The following NCOA2 variants were observed in gnomAD, a reference collection of about 807,000 sequenced individuals.
NCOA2 encodes the protein nuclear receptor coactivator 2.
NCOA2 carries 21 observed loss-of-function variants against 145.1 expected under a neutral mutation model. That is an observed-to-expected ratio of 0.14 (90% CI 0.10 to 0.21). The LOEUF (loss-of-function observed/expected upper bound fraction) is 0.21. NCOA2 is among the 10% of genes least tolerant of loss of function. The pLI is 1.00. For missense variants in NCOA2, 1,472 were observed against 1,837.6 expected, an observed-to-expected ratio of 0.80 and a Z score of 3.64; for synonymous variants, 619 against 637.5, an observed-to-expected ratio of 0.97 and a Z score of 0.44.
At chr8:70,437,837 A>G in the NCOA2 span, among the ~76,000 whole-genome samples, 2 of 152,156 alleles carry the variant, frequency 1.3e-5, no homozygotes, top group Non-Finnish European at 2.9e-5. Context: ...TTGCTCATGG[A>G]TATTGTATTA....
At chr8:70,159,260 C>A (rs1300301436) in intron 10 of NCOA2, among the ~76,000 whole-genome samples, 1 of 18,610 alleles carries the variant, frequency 5.4e-5, no homozygotes. Flanking sequence ...TTTTTTCCCC[C>A]AAATATTTTC....
chr8:70,325,189 T>C (rs2136216808), intron 1 of NCOA2, among the ~76,000 whole-genome samples: 1 of 152,316 alleles, frequency 6.6e-6, no homozygotes, highest in East Asian at 1.9e-4. Context: ...ATGACAGAAA[T>C]CTTTGAACAC....
chr8:70,392,191 C>T lies in NCOA2; in HGVS notation c.-77+11509G>A, dbSNP rs191224454. On this transcript the variant is annotated intron_variant, in intron 1 of 22. Transcript: ENST00000452400. ...TTCTAGCAGGTTTTTTTGTCAGGAA[C>T]TGAAAACAAGAACACACTGAAATAA... Among the ~76,000 whole-genome samples, 11 of 152,298 alleles carry T rather than the reference C, an allele frequency of 7.2e-5. No homozygotes were observed. The East Asian group carries it at 1.9e-3, about 27-fold the overall frequency.
chr8:70,408,597 T>C (rs1343153284), upstream of NCOA2, among the ~76,000 whole-genome samples: 3 of 152,082 alleles, frequency 2.0e-5, no homozygotes, highest in South Asian at 2.1e-4. Context: ...CTAGGAGTTG[T>C]AGACCAGCGT....
At position 70,207,087 on chromosome 8, in the gene NCOA2, T is replaced by C. The variant is rs556353994; in HGVS notation, c.259+6816A>G. ...TACTTACTGATTGCTGGATTTCCCCTGGCAAATAACCATACGTTTTATATA... is the reference window on the plus strand; with the variant it reads ...TACTTACTGATTGCTGGATTTCCCCCGGCAAATAACCATACGTTTTATATA... On this transcript the variant is annotated intron_variant, in intron 4 of 22. Transcript: ENST00000452400. Among the ~76,000 whole-genome samples the C allele has an allele frequency of 6.2e-4, 95 of 152,330 alleles. 1 individual carries two copies. Among genetic ancestry groups the C allele is most frequent in the Admixed American group, 6.1e-3 (93 of 15,300 alleles).
chr8:70,143,151 T>C (rs1422502773), intron 13 of NCOA2, among the ~76,000 whole-genome samples: 1 of 152,182 alleles, frequency 6.6e-6, no homozygotes, highest in Non-Finnish European at 1.5e-5. Flanking sequence ...GGTTTCACCA[T>C]GTTGGTCGGG....
At chr8:70,176,097 G>A (rs141803354) in intron 4 of NCOA2, among the ~76,000 whole-genome samples, 11 of 152,196 alleles carry the variant, frequency 7.2e-5, no homozygotes, top group East Asian at 3.9e-4. Flanking sequence ...CCTGTCTCCC[G>A]TATATCATGG....
At chr8:70,365,512 C>T (rs1294110373) in intron 1 of NCOA2, among the ~76,000 whole-genome samples, 1 of 152,158 alleles carries the variant, frequency 6.6e-6, no homozygotes, top group Non-Finnish European at 1.5e-5. Flanking sequence ...TAATTCTGAA[C>T]CAAATTATAC....
chr8:70,313,698 T>C (rs888440797), intron 1 of NCOA2, among the ~76,000 whole-genome samples: 2 of 152,068 alleles, frequency 1.3e-5, no homozygotes, highest in Non-Finnish European at 2.9e-5. Flanking sequence ...CACGAAAAAA[T>C]TTTTAGGAAT....
the NCOA2 span, among the ~76,000 whole-genome samples, chr8:70,417,245 T>TAAAAAAAAAAAAAAAAAAA: frequency 1.8e-4 from 14 of 77,996 alleles, 2 homozygotes; most frequent in African/African-American, 1.1e-3. Flanking sequence ...TCGTCTCTAT[T>TAAAAAAAAAAAAAAAAAAA]AAAAAAAAAA....
the NCOA2 span, among the ~76,000 whole-genome samples, chr8:70,452,561 G>T: frequency 1.3e-5 from 2 of 152,278 alleles, no homozygotes; most frequent in South Asian, 4.1e-4. Context: ...AGAGAATGGG[G>T]AGTCACTGCT....
the NCOA2 span, among the ~76,000 whole-genome samples, chr8:70,428,340 A>G: frequency 6.6e-6 from 1 of 152,144 alleles, no homozygotes; most frequent in Non-Finnish European, 1.5e-5. Context: ...TGCACCTATA[A>G]TTTCAGCTAC....
chr8:70,138,319 T>C lies in NCOA2; in HGVS notation c.3042A>G (p.Leu1014=). The change falls in exon 15 of 23, where the codon TTA becomes TTG. Residue 1014 remains leucine (L), a synonymous_variant. Coordinates refer to ENST00000452400, the MANE Select transcript of NCOA2 (RefSeq NM_006540.4). ...ACTGAGGTCCCCCCATGTTCATCTCTAATTCAGATGGCCCTAGAAAGGGAG... is the reference window on the plus strand; with the variant it reads ...ACTGAGGTCCCCCCATGTTCATCTCCAATTCAGATGGCCCTAGAAAGGGAG... The part of the protein sequence containing the change: ...SQVMNIGPSE[L]EMNMGGPQYS... 1 of 1,608,520 alleles carries C rather than the reference T, an allele frequency of 6.2e-7. No individual in the cohort carries two copies. Among genetic ancestry groups the C allele is most frequent in the Non-Finnish European group, 8.5e-7 (1 of 1,178,114 alleles).
At chr8:70,432,443 C>T in the NCOA2 span, among the ~76,000 whole-genome samples, 2 of 152,150 alleles carry the variant, frequency 1.3e-5, no homozygotes, top group African/African-American at 4.8e-5. Context: ...GAGAGGATTG[C>T]TTGAGGCCAG....
intron 1 of NCOA2, among the ~76,000 whole-genome samples, chr8:70,396,136 C>G (rs1311666900): frequency 6.6e-6 from 1 of 152,210 alleles, no homozygotes; most frequent in African/African-American, 2.4e-5. Context: ...TACAAAACAT[C>G]TGCAAAACAT....
At chr8:70,434,124 C>G in the NCOA2 span, among the ~76,000 whole-genome samples, 1 of 152,116 alleles carries the variant, frequency 6.6e-6, no homozygotes, top group Non-Finnish European at 1.5e-5. Flanking sequence ...AAAGAGAGAA[C>G]TCAGAGGTCA....
intron 1 of NCOA2, among the ~76,000 whole-genome samples, chr8:70,353,773 G>A (rs1182850464): frequency 2.0e-5 from 3 of 152,004 alleles, no homozygotes; most frequent in African/African-American, 7.3e-5. Flanking sequence ...TGGCCTATAC[G>A]ATTTAAGTAC....
At chr8:70,280,074 G>C (rs1235947760) in intron 2 of NCOA2, among the ~76,000 whole-genome samples, 1 of 152,140 alleles carries the variant, frequency 6.6e-6, no homozygotes, top group South Asian at 2.1e-4. Context: ...TCTACCTTAG[G>C]CATTAAGAGA....
chr8:70,158,213 A>G (rs1168284886), intron 10 of NCOA2, among the ~76,000 whole-genome samples: 3 of 152,172 alleles, frequency 2.0e-5, no homozygotes, highest in Admixed American at 1.3e-4. Flanking sequence ...TTTTACTCCT[A>G]AACAGTGAAT....
Sources: allele counts gnomAD v4.1 joint callset (sites outside exome capture counted in the v4.1 genomes callset), GRCh38; gene constraint gnomAD v4.1.1; transcripts MANE v1.5; gene names NCBI Gene and HGNC (gene_info 2026-07-23, HGNC 2026-07-21).